Variants in GRID1 observed in about 807,000 individuals in gnomAD.
The protein encoded by GRID1 is glutamate ionotropic receptor delta type subunit 1, also known as glutamate receptor ionotropic, delta-1.
GRID1 carries 28 observed loss-of-function variants against 98.0 expected under a neutral mutation model. The observed-to-expected ratio is 0.29, with a 90% confidence interval of 0.21 to 0.39. The LOEUF is 0.39. GRID1 is among the 10% of genes least tolerant of loss of function. The pLI, the probability that GRID1 is intolerant of heterozygous loss-of-function variation, is 1.00. For synonymous variants in GRID1, 553 were observed against 538.5 expected (o/e 1.03, Z -0.37); for missense variants, 1,111 against 1,340.5 (o/e 0.83, Z 2.67).
intron 4 of GRID1, among the ~76,000 whole-genome samples, chr10:86,080,205 A>G (rs1246250047): frequency 6.6e-5 from 10 of 151,650 alleles, no homozygotes; most frequent in Admixed American, 3.9e-4. Flanking sequence ...GTGGTGGCAC[A>G]CACCTGTAAT....
At chr10:85,958,053 T>C (rs1842217475) in intron 4 of GRID1, among the ~76,000 whole-genome samples, 1 of 152,170 alleles carries the variant, frequency 6.6e-6, no homozygotes, top group African/African-American at 2.4e-5. Flanking sequence ...ACCCAGCAAG[T>C]GGACAACAAA....
rs568554452 is a variant in GRID1, at chr10:85,672,904, G to A, written c.1998-25507C>T. Among the ~76,000 whole-genome samples, 5 of 152,246 alleles carry A rather than the reference G, an allele frequency of 3.3e-5. No homozygotes were observed. In the East Asian group the frequency reaches 7.7e-4, roughly 24 times the overall value. ...TCATTTAAGAAATACACTTCATAAG[G>A]CTGTAGCTGCCATAGATAGTGATTC... On this transcript the variant is annotated intron_variant, in intron 12 of 15. Coordinates refer to ENST00000327946, the MANE Select transcript of GRID1 (RefSeq NM_017551.3).
intron 5 of GRID1, among the ~76,000 whole-genome samples, chr10:85,895,392 T>A (rs921625888): frequency 5.9e-5 from 9 of 152,012 alleles, no homozygotes; most frequent in Non-Finnish European, 1.3e-4. Flanking sequence ...TACAAAATGC[T>A]CTAGTGTCTC....
intron 2 of GRID1, among the ~76,000 whole-genome samples, chr10:86,216,491 A>C (rs1846178751): frequency 6.6e-6 from 1 of 152,264 alleles, no homozygotes. Context: ...CCTTCAGCGC[A>C]CAATGAGAAA....
chr10:86,153,888 G>A (rs1845205657), intron 3 of GRID1, among the ~76,000 whole-genome samples: 1 of 152,130 alleles, frequency 6.6e-6, no homozygotes, highest in Admixed American at 6.5e-5. Flanking sequence ...TGTAGGGTGG[G>A]GGCGGGGAGG....
intron 8 of GRID1, among the ~76,000 whole-genome samples, chr10:85,771,173 C>T (rs1369663693): frequency 6.6e-6 from 1 of 152,148 alleles, no homozygotes; most frequent in Non-Finnish European, 1.5e-5. Flanking sequence ...ATATTCAACA[C>T]TCTTAAGGAA....
rs1841616151 is a variant in GRID1 at position 85,916,108 on chromosome 10, G to A, written c.780+78C>T. On this transcript the variant is annotated intron_variant, in intron 5 of 15. Transcript: ENST00000327946. The surrounding 1 kb of genome is among the most constrained non-coding windows in gnomAD (Gnocchi z 4.0). ...CAGCCCCCTAAGTCAGAATTGAACT[G>A]AAAAGAATCACACTGAGCTTTACAA... 8.8e-7 allele frequency: 1 copy of A among 1,132,246 alleles called. No homozygotes were observed. Among genetic ancestry groups the A allele is most frequent in the Admixed American group, 1.8e-5 (1 of 54,908 alleles). The allele number at this position is 1,132,246 out of a possible 1,614,324, so 70.1% of individuals were successfully genotyped here.
At chr10:86,314,858 T>G (rs113016764) in intron 2 of GRID1, among the ~76,000 whole-genome samples, 1 of 152,150 alleles carries the variant, frequency 6.6e-6, no homozygotes, top group Admixed American at 6.5e-5. Flanking sequence ...AAAGGCCACA[T>G]GGTGCAGAGC....
chr10:86,021,164 A>G, intron 4 of GRID1, among the ~76,000 whole-genome samples: 1 of 152,178 alleles, frequency 6.6e-6, no homozygotes, highest in African/African-American at 2.4e-5. Flanking sequence ...TGCAGGTGTG[A>G]TTTAAGGCCT....
At chr10:86,009,247 T>G (rs1425270275) in intron 4 of GRID1, among the ~76,000 whole-genome samples, 2 of 152,034 alleles carry the variant, frequency 1.3e-5, no homozygotes, top group Non-Finnish European at 1.5e-5. Context: ...GCAGAAGAAT[T>G]TTTTTTTAAC....
intron 3 of GRID1, among the ~76,000 whole-genome samples, chr10:86,175,725 T>TC (rs1015413916): frequency 1.3e-5 from 2 of 152,102 alleles, no homozygotes; most frequent in African/African-American, 4.8e-5. Context: ...TTTTTTTTTT[T>TC]TGAGACAGAG....
intron 13 of GRID1, among the ~76,000 whole-genome samples, chr10:85,633,900 G>T (rs753403948): frequency 3.3e-5 from 5 of 152,148 alleles, no homozygotes; most frequent in Non-Finnish European, 5.9e-5. Context: ...GGCTGGGCGA[G>T]GTGGCTCACA....
At chr10:86,102,596 G>A (rs746015127) in intron 4 of GRID1, among the ~76,000 whole-genome samples, 7 of 152,214 alleles carry the variant, frequency 4.6e-5, no homozygotes, top group Non-Finnish European at 7.3e-5. Flanking sequence ...TTCCTCTAAG[G>A]AGGAATGCAG....
intron 4 of GRID1, among the ~76,000 whole-genome samples, chr10:85,992,916 T>G (rs1039230169): frequency 6.6e-6 from 1 of 152,288 alleles, no homozygotes; most frequent in East Asian, 1.9e-4. Context: ...ATTGCACCAC[T>G]GCACTCCAGC....
intron 5 of GRID1, among the ~76,000 whole-genome samples, chr10:85,879,948 C>T (rs1280918363): frequency 7.2e-5 from 11 of 152,056 alleles, no homozygotes; most frequent in Non-Finnish European, 8.8e-5. Context: ...ATATCACCAC[C>T]GATCCCACAG....
intron 4 of GRID1, among the ~76,000 whole-genome samples, chr10:86,097,097 C>T (rs982080191): frequency 3.3e-5 from 5 of 152,198 alleles, no homozygotes; most frequent in African/African-American, 1.2e-4. Flanking sequence ...GGCCTTTGGC[C>T]TTAAAGTGTG....
At position 86,324,893 on chromosome 10, in the gene GRID1, A is replaced by C. The variant is rs183260614; in HGVS notation, c.235+39048T>G. On this transcript the variant is annotated intron_variant, in intron 2 of 15. Transcript: ENST00000327946. ...TCAAGATAATAGGATGAGAAAAACA[A>C]CACCTAGCAAAAAATAACCAGAAAA... Among the ~76,000 whole-genome samples the C allele has an allele frequency of 2.3e-3, 356 of 152,296 alleles. 1 individual carries two copies. Among genetic ancestry groups the C allele is most frequent in the African/African-American group, 7.8e-3 (324 of 41,566 alleles).
At chr10:86,342,063 G>A (rs1268882990) in intron 2 of GRID1, among the ~76,000 whole-genome samples, 1 of 152,132 alleles carries the variant, frequency 6.6e-6, no homozygotes, top group East Asian at 1.9e-4. Context: ...CAACTGAGGG[G>A]CTGGTGTGAC....
intron 4 of GRID1, among the ~76,000 whole-genome samples, chr10:85,967,841 T>C (rs1397173506): frequency 6.6e-6 from 1 of 152,132 alleles, no homozygotes; most frequent in Non-Finnish European, 1.5e-5. Context: ...GAGACCATGG[T>C]GGCCAGAGGT....
Sources: allele counts gnomAD v4.1 joint callset (sites outside exome capture counted in the v4.1 genomes callset), GRCh38; gene constraint gnomAD v4.1.1; non-coding constraint Gnocchi (gnomAD v3.1); transcripts MANE v1.5; gene names NCBI Gene and HGNC (gene_info 2026-07-23, HGNC 2026-07-21).